The following ANKS1B variants were observed in gnomAD, a reference collection of about 807,000 sequenced individuals.
ANKS1B encodes ankyrin repeat and sterile alpha motif domain-containing protein 1B.
A neutral mutation model predicts 148.3 loss-of-function variants in ANKS1B; 36 were observed. The ratio of observed to expected loss-of-function variants is 0.24; its 90% CI spans 0.19 to 0.32. The LOEUF (loss-of-function observed/expected upper bound fraction) is 0.32, where lower values mean the gene tolerates loss of function less well. ANKS1B is among the 10% of genes least tolerant of loss of function. The probability of loss-of-function intolerance (pLI) is 1.00; values close to 1 mark genes in which losing one functional copy is unlikely to be tolerated. For synonymous variants in ANKS1B, 542 were observed against 560.8 expected, an observed-to-expected ratio of 0.97 and a Z score of 0.47; for missense variants, 1,157 against 1,542.6, an observed-to-expected ratio of 0.75 and a Z score of 4.19.
Position 99,098,554 on chromosome 12 carries a change from T to C in ANKS1B, c.2527-13531A>G, listed in dbSNP as rs568485591. 3.3e-5 allele frequency among the ~76,000 whole-genome samples: 5 copies of C among 150,468 alleles called. No individual in the cohort carries two copies. The East Asian group carries it at 9.7e-4, about 29-fold the overall frequency. On this transcript the variant is annotated intron_variant, in intron 15 of 26. Transcript: ENST00000683438. ...TTTAAGGATATGGTGACATAATGTT[T>C]ATGAAGTTGCTTTATAAACTCTAAA...
At chr12:99,144,471 C>T (rs549044422) in intron 15 of ANKS1B, among the ~76,000 whole-genome samples, 11 of 152,144 alleles carry the variant, frequency 7.2e-5, no homozygotes, top group South Asian at 2.1e-4. Context: ...GTAAACCTCA[C>T]GTAGACTGAG....
At chr12:99,649,478 G>A (rs1696183678) in intron 9 of ANKS1B, 1 of 1,150,786 alleles carries the variant, frequency 8.7e-7, no homozygotes. Context: ...GCCTGATGAA[G>A]GGGCAGGGTA....
At position 99,457,306 on chromosome 12, in the gene ANKS1B, CA is replaced by C. The variant is rs374680217; in HGVS notation, c.1439-13498del. Reference sequence around the variant, plus strand: ...CTTGAAACAAATCCTCGAAATACACCAAAATAGAATCTCCTTAAAGCACAAA... The same window carrying C: ...CTTGAAACAAATCCTCGAAATACACCAAATAGAATCTCCTTAAAGCACAAA... On this transcript the variant is annotated intron_variant, in intron 10 of 26. Transcript: ENST00000683438. Among the ~76,000 whole-genome samples, 400 of 150,548 alleles carry C rather than the reference CA, an allele frequency of 2.7e-3. 1 individual carries two copies. The highest frequency in any genetic ancestry group is 9.5e-3 in the African/African-American group (391 of 40,954).
chr12:99,027,083 A>C (rs2099949181), intron 17 of ANKS1B, among the ~76,000 whole-genome samples: 1 of 152,242 alleles, frequency 6.6e-6, no homozygotes, highest in Non-Finnish European at 1.5e-5. Context: ...ATAGAGATCC[A>C]GAATAAGTTA....
chr12:99,748,607 A>T (rs1220974869), intron 8 of ANKS1B, among the ~76,000 whole-genome samples: 2 of 152,092 alleles, frequency 1.3e-5, no homozygotes, highest in South Asian at 2.1e-4. Context: ...CAATAAACTA[A>T]GTAGATAAAG....
chr12:98,752,729 T>C (rs184400810), intron 25 of ANKS1B, among the ~76,000 whole-genome samples: 1 of 152,266 alleles, frequency 6.6e-6, no homozygotes, highest in East Asian at 1.9e-4. Flanking sequence ...GCTCTCCCTG[T>C]GGGCAGTTGG....
chr12:99,201,321 T>A (rs1172846456), intron 14 of ANKS1B, among the ~76,000 whole-genome samples: 1 of 148,430 alleles, frequency 6.7e-6, no homozygotes, highest in Non-Finnish European at 1.5e-5. Flanking sequence ...ATTTCCTGAG[T>A]GGAAAAAAAA....
intron 17 of ANKS1B, among the ~76,000 whole-genome samples, chr12:98,972,998 A>C (rs1483230597): frequency 6.6e-6 from 1 of 152,208 alleles, no homozygotes; most frequent in African/African-American, 2.4e-5. Flanking sequence ...GTTTAAAACA[A>C]ACCTCAAAAT....
intron 14 of ANKS1B, among the ~76,000 whole-genome samples, chr12:99,182,430 G>A (rs2079227290): frequency 1.3e-5 from 2 of 152,132 alleles, no homozygotes; most frequent in African/African-American, 4.8e-5. Flanking sequence ...TTCCTTCTGT[G>A]CCTGGCTTAT....
chr12:99,305,356 T>C (rs997304871), intron 12 of ANKS1B, among the ~76,000 whole-genome samples: 2 of 152,156 alleles, frequency 1.3e-5, no homozygotes, highest in Admixed American at 1.3e-4. Flanking sequence ...TAAATAAAAT[T>C]ACATTATTTC....
chr12:99,877,970 C>A (rs2092233823), intron 1 of ANKS1B, among the ~76,000 whole-genome samples: 1 of 152,102 alleles, frequency 6.6e-6, no homozygotes, highest in Admixed American at 6.6e-5. Context: ...TGAGGCTGGA[C>A]AGTCATTTGA....
Position 99,154,346 on chromosome 12 carries a change from C to T in ANKS1B, c.2469G>A (p.Gly823=), listed in dbSNP as rs371158953. The T allele has an allele frequency of 3.6e-4, 584 of 1,613,740 alleles. 3 individuals are homozygous for T. The African/African-American group carries it at 7.1e-3, about 20-fold the overall frequency. Residue 823 remains glycine (G), a synonymous_variant, in exon 15 of 27, where the codon GGG becomes GGA. Coordinates refer to ENST00000683438, the MANE Select transcript of ANKS1B (RefSeq NM_001352186.2). ...QTVGQWLESI[G]LPQYENHLMA... is the part of the protein sequence containing the mutation. ...TCAGGTGGTTCTCGTACTGAGGTAG[C>T]CCAATGCTTTCCAACCATTGTCCCA...
intron 9 of ANKS1B, among the ~76,000 whole-genome samples, chr12:99,506,801 T>C (rs1007288862): frequency 2.6e-5 from 4 of 152,006 alleles, no homozygotes; most frequent in South Asian, 2.1e-4. Flanking sequence ...AAAGGCACTA[T>C]AAAATGAGTT....
intron 1 of ANKS1B, among the ~76,000 whole-genome samples, chr12:99,920,033 T>A (rs2094304672): frequency 6.6e-6 from 1 of 152,168 alleles, no homozygotes; most frequent in South Asian, 2.1e-4. Context: ...TAATTTAACT[T>A]GAACAGCACT....
At chr12:99,679,391 C>T (rs865860251) in intron 8 of ANKS1B, among the ~76,000 whole-genome samples, 8 of 152,286 alleles carry the variant, frequency 5.3e-5, no homozygotes, top group Middle Eastern at 6.8e-3. Context: ...TCACTGCAAC[C>T]TCCACCCCCA....
At chr12:99,953,715 T>C (rs1277410214) in intron 1 of ANKS1B, among the ~76,000 whole-genome samples, 4 of 152,132 alleles carry the variant, frequency 2.6e-5, no homozygotes, top group Admixed American at 6.5e-5. Context: ...TATGCACTCA[T>C]GAGCACACAT....
chr12:99,220,951 T>C (rs144429822), intron 14 of ANKS1B, among the ~76,000 whole-genome samples: 1,879 of 152,262 alleles, frequency 0.012, 45 homozygotes, highest in African/African-American at 0.042. Flanking sequence ...TTATATAATC[T>C]GGAAGTGAGG....
At chr12:99,712,845 C>T (rs1298031265) in intron 8 of ANKS1B, among the ~76,000 whole-genome samples, 1 of 152,134 alleles carries the variant, frequency 6.6e-6, no homozygotes, top group Admixed American at 6.5e-5. Flanking sequence ...AGGAATAATC[C>T]TCTGTGGCTG....
chr12:98,754,080 C>T (rs1238226898), intron 25 of ANKS1B, among the ~76,000 whole-genome samples: 2 of 152,130 alleles, frequency 1.3e-5, no homozygotes, highest in African/African-American at 2.4e-5. Flanking sequence ...GCTTGAGAGT[C>T]GGTTTGAGAG....
Sources: allele counts gnomAD v4.1 joint callset (sites outside exome capture counted in the v4.1 genomes callset), GRCh38; gene constraint gnomAD v4.1.1; transcripts MANE v1.5; gene names NCBI Gene and HGNC (gene_info 2026-07-23, HGNC 2026-07-21).